The following TET3 variants were observed in gnomAD, a reference collection of about 807,000 sequenced individuals.
TET3 encodes the protein tet methylcytosine dioxygenase 3.
In TET3, 19 loss-of-function variants were observed where a neutral mutation model predicts 141.4. That is an observed-to-expected ratio of 0.13 (90% CI 0.09 to 0.20). The LOEUF (loss-of-function observed/expected upper bound fraction) is 0.20. Ranked by LOEUF, TET3 falls within the 10% of genes least tolerant of loss-of-function variation. The pLI is 1.00. For missense variants in TET3, 1,874 were observed against 2,356.9 expected, an observed-to-expected ratio of 0.80 and a Z score of 4.24; for synonymous variants, 1,043 against 980.9, an observed-to-expected ratio of 1.06 and a Z score of -1.18.
intron 3 of TET3, among the ~76,000 whole-genome samples, chr2:74,006,823 C>A (rs142130294): frequency 7.0e-4 from 106 of 152,322 alleles, no homozygotes; most frequent in African/African-American, 2.4e-3. Context: ...TGGCAGTTAG[C>A]TGAGGACTCC....
chr2:74,069,133 G>A (rs765566856), intron 4 of TET3, among the ~76,000 whole-genome samples: 22 of 144,662 alleles, frequency 1.5e-4, no homozygotes, highest in Non-Finnish European at 1.5e-5. Context: ...CTTCTAGCAC[G>A]TGTATAGTTT....
chr2:74,095,382 G>A (rs192714060), intron 10 of TET3, among the ~76,000 whole-genome samples: 12 of 152,354 alleles, frequency 7.9e-5, no homozygotes. Context: ...GCGAGAGCAA[G>A]AGCACCATGA....
intron 4 of TET3, among the ~76,000 whole-genome samples, chr2:74,065,592 G>GTCCT (rs1196253592): frequency 1.1e-4 from 15 of 133,062 alleles, no homozygotes; most frequent in Admixed American, 2.2e-4. Context: ...TGGTTCGTCC[G>GTCCT]TCCTTCCTTC....
the TET3 span, chr2:74,121,469 G>T: frequency 6.6e-6 from 1 of 152,228 alleles, no homozygotes; most frequent in East Asian, 1.9e-4. Flanking sequence ...AAACTTTCAA[G>T]TCAGAGTGTG....
Position 74,105,631 on chromosome 2 carries a change from C to G in TET3, c.*3455C>G, listed in dbSNP as rs759751398. ...GAAAGAGATGATACCCCACCGCCCC[C>G]TCTTGGTCCTTCCACCAGCCTCTTT... is the stretch of plus-strand genomic sequence containing the variant. On this transcript the variant is annotated 3_prime_UTR_variant, in exon 12 of 12. Transcript: ENST00000409262. 2 of 371,056 alleles carry G rather than the reference C, an allele frequency of 5.4e-6. No homozygotes were observed. The highest frequency in any genetic ancestry group is 4.8e-6 in the Non-Finnish European group (1 of 208,356). 23.0% of individuals were successfully genotyped at this position (371,056 alleles called of 1,614,324 possible). A position where few individuals can be genotyped will look rare whatever the true frequency, so the allele number is the denominator to read the frequency against.
chr2:74,125,121 C>G, the TET3 span, among the ~76,000 whole-genome samples: 52 of 152,092 alleles, frequency 3.4e-4, no homozygotes, highest in African/African-American at 1.2e-3. Context: ...ATTCTCCTCC[C>G]TCAGCCTCCT....
the TET3 span, among the ~76,000 whole-genome samples, chr2:74,123,997 G>A: frequency 1.3e-5 from 2 of 151,194 alleles, no homozygotes; most frequent in East Asian, 3.9e-4. Context: ...CGCCCCGTCT[G>A]AGAAGTGAGG....
intron 3 of TET3, among the ~76,000 whole-genome samples, chr2:74,030,070 C>T (rs1308645353): frequency 2.6e-5 from 4 of 152,078 alleles, no homozygotes; most frequent in Admixed American, 6.6e-5. Flanking sequence ...AGAGAAAGGA[C>T]TCTGTTTGTT....
chr2:74,003,005 C>A (rs1417843229), intron 2 of TET3, 105 bp from the exon 3 acceptor site: 2 of 1,222,054 alleles, frequency 1.6e-6, no homozygotes, highest in African/African-American at 1.5e-5. Flanking sequence ...TATCCCCTCC[C>A]GTTCGCCTTC....
chr2:74,027,961 A>AT (rs981554154), intron 3 of TET3, among the ~76,000 whole-genome samples: 6 of 151,180 alleles, frequency 4.0e-5, no homozygotes, highest in East Asian at 1.9e-4. Flanking sequence ...TGATTTATAA[A>AT]TTTTTTTCCC....
chr2:74,114,797 T>G, the TET3 span, among the ~76,000 whole-genome samples: 7 of 129,400 alleles, frequency 5.4e-5, no homozygotes, highest in Admixed American at 9.8e-5. Context: ...GAGATTGCAG[T>G]GAGCTAAGAT....
At chr2:74,012,774 G>C (rs1405712101) in intron 3 of TET3, among the ~76,000 whole-genome samples, 1 of 152,150 alleles carries the variant, frequency 6.6e-6, no homozygotes, top group Non-Finnish European at 1.5e-5. Context: ...ACTTAAGTGT[G>C]GGTATTGCTG....
At chr2:74,050,800 T>C (rs71337722) in intron 4 of TET3, among the ~76,000 whole-genome samples, 34,637 of 151,810 alleles carry the variant, frequency 0.23, 4,290 homozygotes, top group Non-Finnish European at 0.28. Flanking sequence ...GATCCTGTCA[T>C]CTCAGCCTCC....
chr2:74,000,940 G>GT (rs1684819826), intron 2 of TET3, among the ~76,000 whole-genome samples: 2 of 152,068 alleles, frequency 1.3e-5, no homozygotes. Context: ...TCCAAGCATT[G>GT]TTTGTCTCTC....
chr2:74,048,269 C>T lies in TET3; in HGVS notation c.2352C>T (p.Pro784=). 1 of 1,613,910 alleles carries T rather than the reference C, an allele frequency of 6.2e-7. No homozygotes were observed. The highest frequency in any genetic ancestry group is 8.5e-7 in the Non-Finnish European group (1 of 1,179,852). ...HSEEGGQEAT[P]TKAENPLTPT... is the part of the protein sequence containing the mutation. ...AGGAGGGAGGACAGGAGGCCACACC[C>T]ACCAAGGCTGAGAACCCACTCACAC... The change falls in exon 4 of 12, where the codon CCC becomes CCT. Residue 784 remains proline (P), a synonymous_variant. Coordinates refer to ENST00000409262, the MANE Select transcript of TET3 (RefSeq NM_001287491.2).
intron 2 of TET3, among the ~76,000 whole-genome samples, chr2:74,000,944 G>T (rs553293030): frequency 2.0e-5 from 3 of 152,262 alleles, no homozygotes; most frequent in Admixed American, 6.5e-5. Context: ...AGCATTGTTT[G>T]TCTCTCCTAT....
chr2:74,075,435 T>A (rs138744140), intron 5 of TET3, among the ~76,000 whole-genome samples: 2,722 of 150,970 alleles, frequency 0.018, 83 homozygotes, highest in African/African-American at 0.061. Context: ...TTCAAGCAAT[T>A]TTCCTGTCTC....
chr2:74,002,303 C>T (rs1294492352), intron 2 of TET3, among the ~76,000 whole-genome samples: 2 of 152,154 alleles, frequency 1.3e-5, no homozygotes, highest in African/African-American at 4.8e-5. Flanking sequence ...TGACAGGGCC[C>T]GGTGCCGTCC....
intron 4 of TET3, among the ~76,000 whole-genome samples, chr2:74,056,563 T>C (rs1688228362): frequency 6.6e-6 from 1 of 152,136 alleles, no homozygotes; most frequent in African/African-American, 2.4e-5. Context: ...CCACCTTCAC[T>C]TCTTCTCTCA....
Sources: gnomAD v4.1 joint callset for allele counts (sites outside exome capture counted in the v4.1 genomes callset) on GRCh38, gnomAD v4.1.1 for gene constraint, MANE v1.5 for transcripts, NCBI Gene and HGNC (gene_info 2026-07-23, HGNC 2026-07-21) for gene names.